The following CDH8 variants were observed in gnomAD, a reference collection of about 807,000 sequenced individuals.
CDH8 encodes the protein cadherin-8.
A neutral mutation model predicts 68.1 loss-of-function variants in CDH8; 17 were observed. The observed-to-expected ratio is 0.25, with a 90% CI of 0.17 to 0.37. CDH8 has a LOEUF of 0.37. Ranked by LOEUF, CDH8 falls within the 10% of genes least tolerant of loss-of-function variation. The pLI, the probability that CDH8 is intolerant of heterozygous loss-of-function variation, is 1.00. For synonymous variants in CDH8, 372 were observed against 365.1 expected, an observed-to-expected ratio of 1.02 and a Z score of -0.21; for missense variants, 763 against 999.3, an observed-to-expected ratio of 0.76 and a Z score of 3.19.
chr16:62,003,368 TCA>T (rs1162723979), intron 2 of CDH8, among the ~76,000 whole-genome samples: 1 of 152,238 alleles, frequency 6.6e-6, no homozygotes, highest in East Asian at 1.9e-4. Context: ...TGAATAGCTC[TCA>T]GTTATTGCAA....
intron 5 of CDH8, among the ~76,000 whole-genome samples, chr16:61,823,524 C>T (rs1367032704): frequency 6.6e-6 from 1 of 151,922 alleles, no homozygotes; most frequent in Non-Finnish European, 1.5e-5. Context: ...ACTACCCTTG[C>T]TTGCCAGGGC....
intron 8 of CDH8, among the ~76,000 whole-genome samples, chr16:61,752,436 T>G (rs1960192757): frequency 6.6e-6 from 1 of 152,194 alleles, no homozygotes; most frequent in African/African-American, 2.4e-5. Flanking sequence ...TGAATTGAGA[T>G]AATATAAGAC....
At chr16:61,796,142 T>C (rs1268834422) in intron 7 of CDH8, among the ~76,000 whole-genome samples, 1 of 151,032 alleles carries the variant, frequency 6.6e-6, no homozygotes, top group Non-Finnish European at 1.5e-5. Context: ...AGGGAATAGA[T>C]GGGAGAGAAA....
At chr16:61,841,521 G>A (rs375702340) in intron 4 of CDH8, among the ~76,000 whole-genome samples, 64 of 152,236 alleles carry the variant, frequency 4.2e-4, no homozygotes, top group African/African-American at 1.3e-3. Context: ...GGCTGGGAAA[G>A]GTAGTAAGGG....
chr16:61,920,984 C>G (rs58411617), intron 2 of CDH8, among the ~76,000 whole-genome samples: 2 of 148,828 alleles, frequency 1.3e-5, no homozygotes, highest in African/African-American at 5.0e-5. Context: ...AATCATCATT[C>G]TCAGTAAACT....
intron 10 of CDH8, among the ~76,000 whole-genome samples, chr16:61,689,484 A>G (rs1407585541): frequency 1.3e-5 from 2 of 151,996 alleles, no homozygotes; most frequent in African/African-American, 2.4e-5. Context: ...CAGACTGTGA[A>G]TACTACTTCT....
At chr16:61,682,615 T>C (rs945593409) in intron 10 of CDH8, among the ~76,000 whole-genome samples, 1 of 151,812 alleles carries the variant, frequency 6.6e-6, no homozygotes, top group East Asian at 1.9e-4. Context: ...TTTCCTCAAT[T>C]ATTACTCTTG....
intron 10 of CDH8, among the ~76,000 whole-genome samples, chr16:61,709,956 C>T (rs1264036825): frequency 6.6e-6 from 1 of 152,062 alleles, no homozygotes; most frequent in Non-Finnish European, 1.5e-5. Flanking sequence ...ACTGATGAAG[C>T]CACGTTCAAA....
At chr16:62,023,347 G>A (rs1163965863) in intron 1 of CDH8, among the ~76,000 whole-genome samples, 1 of 152,128 alleles carries the variant, frequency 6.6e-6, no homozygotes, top group Non-Finnish European at 1.5e-5. Context: ...ATACACCTGG[G>A]TTTGGATCCC....
intron 2 of CDH8, among the ~76,000 whole-genome samples, chr16:62,000,041 T>C (rs1965870619): frequency 6.6e-6 from 1 of 152,040 alleles, no homozygotes; most frequent in East Asian, 1.9e-4. Flanking sequence ...AACTCCCACT[T>C]ATAAGTGAAA....
chr16:61,757,735 C>A (rs1960359655), intron 8 of CDH8, among the ~76,000 whole-genome samples: 1 of 152,098 alleles, frequency 6.6e-6, no homozygotes, highest in African/African-American at 2.4e-5. Flanking sequence ...TGATGGCCAC[C>A]ACCAATTTGC....
At chr16:61,655,409 A>ATC in intron 11 of CDH8, 61 bp downstream of exon 11, 1 of 1,402,216 alleles carries the variant, frequency 7.1e-7, no homozygotes, top group Non-Finnish European at 9.5e-7. Flanking sequence ...TTCTGTCCTT[A>ATC]TTTACAGTCA....
At chr16:61,985,595 C>T (rs1260709572) in intron 2 of CDH8, among the ~76,000 whole-genome samples, 6 of 151,962 alleles carry the variant, frequency 3.9e-5, no homozygotes, top group Non-Finnish European at 8.8e-5. Flanking sequence ...TGGATTCAAG[C>T]GATTCTCCTG....
chr16:61,662,117 T>C (rs1963576387), intron 10 of CDH8, among the ~76,000 whole-genome samples: 1 of 150,478 alleles, frequency 6.6e-6, no homozygotes, highest in Non-Finnish European at 1.5e-5. Flanking sequence ...TTAATTTGTT[T>C]GTTTGTTTTA....
At chr16:61,969,387 G>A (rs1417593529) in intron 2 of CDH8, among the ~76,000 whole-genome samples, 1 of 152,138 alleles carries the variant, frequency 6.6e-6, no homozygotes, top group African/African-American at 2.4e-5. Context: ...TTGGCACGTA[G>A]CTGGTTTCTT....
intron 2 of CDH8, among the ~76,000 whole-genome samples, chr16:62,000,359 T>A (rs1427426895): frequency 6.6e-6 from 1 of 152,180 alleles, no homozygotes; most frequent in Non-Finnish European, 1.5e-5. Context: ...TGGTTCTAGA[T>A]CCTTGAGGAT....
At chr16:61,658,962 A>G (rs1466571161) in intron 10 of CDH8, among the ~76,000 whole-genome samples, 1 of 152,166 alleles carries the variant, frequency 6.6e-6, no homozygotes, top group African/African-American at 2.4e-5. Flanking sequence ...TATATAGTTT[A>G]TTGTGATAGT....
rs376822895 is a variant in CDH8 at position 61,871,232 on chromosome 16, G to C, written c.548-13994C>G. ...GATCTCACTCTGTTATCCAAACTGA[G>C]TGCCGTGGTACCATAACAACTCACT... On this transcript the variant is annotated intron_variant, in intron 3 of 11. Coordinates refer to ENST00000577390, the MANE Select transcript of CDH8 (RefSeq NM_001796.5). Among the ~76,000 whole-genome samples, 29 of 151,960 alleles carry C rather than the reference G, an allele frequency of 1.9e-4. No homozygotes were observed. The East Asian group carries it at 2.9e-3, about 15-fold the overall frequency.
intron 2 of CDH8, among the ~76,000 whole-genome samples, chr16:61,961,865 T>A (rs1335667774): frequency 6.6e-6 from 1 of 152,180 alleles, no homozygotes; most frequent in Non-Finnish European, 1.5e-5. Flanking sequence ...ATACAAGGAT[T>A]AGGGGTCCGA....
Sources: gnomAD v4.1 joint callset for allele counts (sites outside exome capture counted in the v4.1 genomes callset) on GRCh38, gnomAD v4.1.1 for gene constraint, MANE v1.5 for transcripts, NCBI Gene and HGNC (gene_info 2026-07-23, HGNC 2026-07-21) for gene names.